The following ATE1 variants were observed in gnomAD, a reference collection of about 807,000 sequenced individuals.
The protein encoded by ATE1 is arginyl-tRNA--protein transferase 1.
In ATE1, 36 loss-of-function variants were observed where a neutral mutation model predicts 70.5. The ratio of observed to expected loss-of-function variants is 0.51; its 90% confidence interval spans 0.39 to 0.67. The LOEUF (loss-of-function observed/expected upper bound fraction) is 0.67. Among genes scored for constraint, ATE1 ranks in the 30% least tolerant of loss-of-function variants. The pLI is 0.00. For missense variants in ATE1, 593 were observed against 629.5 expected, an observed-to-expected ratio of 0.94 and a Z score of 0.62; for synonymous variants, 232 against 219.3, an observed-to-expected ratio of 1.06 and a Z score of -0.51.
intron 8 of ATE1, among the ~76,000 whole-genome samples, chr10:121,850,507 A>T (rs1025837074): frequency 5.3e-5 from 8 of 152,204 alleles, no homozygotes; most frequent in African/African-American, 1.9e-4. Context: ...TATTTCCTTA[A>T]ACCTTAGTCA....
chr10:121,849,996 A>C (rs1564893759), intron 8 of ATE1, among the ~76,000 whole-genome samples: 1 of 152,206 alleles, frequency 6.6e-6, no homozygotes, highest in Non-Finnish European at 1.5e-5. Context: ...ATCAATACAA[A>C]GATTTATCTA....
chr10:121,818,679 G>T (rs1947661147), intron 10 of ATE1, among the ~76,000 whole-genome samples: 1 of 152,222 alleles, frequency 6.6e-6, no homozygotes, highest in African/African-American at 2.4e-5. Context: ...CATCTTGGGA[G>T]GAAGACACTG....
chr10:121,774,100 A>G (rs1390613027), intron 11 of ATE1, among the ~76,000 whole-genome samples: 2 of 152,316 alleles, frequency 1.3e-5, no homozygotes, highest in South Asian at 2.1e-4. Flanking sequence ...AAAAATGACA[A>G]TATAACACAG....
At position 121,741,667 on chromosome 10, in the gene ATE1, C is replaced by A. The variant is rs933054918; in HGVS notation, c.*2013G>T. On this transcript the variant is annotated 3_prime_UTR_variant, in exon 12 of 12. Coordinates refer to ENST00000224652, the MANE Select transcript of ATE1 (RefSeq NM_001001976.3). The stretch of plus-strand genomic sequence containing the variant: ...TTCAAATGCTAAGCGAGCCAAGTAC[C>A]AGCCCTACCCTGCTTATTTTTAATA... The A allele has an allele frequency of 2.0e-5, 3 of 152,180 alleles. No individual in the cohort carries two copies. The highest frequency in any genetic ancestry group is 7.2e-5 in the African/African-American group (3 of 41,444). The allele number at this position is 152,180 out of a possible 1,614,324, so 9.4% of individuals were successfully genotyped here.
intron 7 of ATE1, among the ~76,000 whole-genome samples, chr10:121,873,252 A>T (rs894537811): frequency 1.3e-5 from 2 of 152,134 alleles, no homozygotes; most frequent in South Asian, 2.1e-4. Flanking sequence ...AATTTTTTTT[A>T]AAAAACTGAA....
intron 8 of ATE1, among the ~76,000 whole-genome samples, chr10:121,842,733 A>C (rs1948676535): frequency 1.3e-5 from 2 of 152,208 alleles, no homozygotes; most frequent in African/African-American, 4.8e-5. Context: ...CCACATCAAT[A>C]GGTCAAAAGA....
At chr10:121,880,021 T>G (rs1950178889) in intron 7 of ATE1, among the ~76,000 whole-genome samples, 1 of 152,084 alleles carries the variant, frequency 6.6e-6, no homozygotes, top group Non-Finnish European at 1.5e-5. Flanking sequence ...AAATTAGGGA[T>G]AAATAGAAAA....
chr10:121,825,469 C>G (rs1291311423), intron 10 of ATE1, among the ~76,000 whole-genome samples: 2 of 152,194 alleles, frequency 1.3e-5, no homozygotes, highest in African/African-American at 2.4e-5. Context: ...CAGTTTCTCC[C>G]ATTACCAACC....
chr10:121,902,175 C>A (rs1951007417), intron 6 of ATE1, among the ~76,000 whole-genome samples: 1 of 152,072 alleles, frequency 6.6e-6, no homozygotes, highest in African/African-American at 2.4e-5. Flanking sequence ...ACTATGTATT[C>A]TCAAAAAGTC....
At chr10:121,803,992 T>A (rs1164459023) in intron 10 of ATE1, among the ~76,000 whole-genome samples, 2 of 152,218 alleles carry the variant, frequency 1.3e-5, no homozygotes, top group Non-Finnish European at 2.9e-5. Flanking sequence ...CCTGTCCCCT[T>A]GGATGCCATC....
At position 121,924,363 on chromosome 10, in the gene ATE1, G is replaced by A. The variant is rs77260897; in HGVS notation, c.107-34C>T. The A allele has an allele frequency of 6.2e-4, 987 of 1,591,476 alleles. 8 individuals are homozygous for A. The East Asian group carries it at 0.021, about 34-fold the overall frequency. On this transcript the variant is annotated intron_variant, in intron 1 of 11. Transcript: ENST00000224652. ...ATAAGTAGTGTGTTAATTACGGCAGGGTAACCTTTTTTCTTTTTTAAATTC... is the reference window on the plus strand; with the variant it reads ...ATAAGTAGTGTGTTAATTACGGCAGAGTAACCTTTTTTCTTTTTTAAATTC...
intron 7 of ATE1, among the ~76,000 whole-genome samples, chr10:121,887,529 C>T (rs967149231): frequency 6.8e-5 from 5 of 73,996 alleles, no homozygotes; most frequent in South Asian, 5.8e-4. Context: ...CACAGCAAGA[C>T]GCCCCCCTAC....
chr10:121,878,049 T>C (rs74623704), intron 7 of ATE1, among the ~76,000 whole-genome samples: 2,239 of 152,296 alleles, frequency 0.015, 78 homozygotes, highest in African/African-American at 0.051. Flanking sequence ...CTACATAGCA[T>C]TGAAAGAAAA....
At chr10:121,768,814 TA>T (rs1309255565) in intron 11 of ATE1, among the ~76,000 whole-genome samples, 2 of 152,172 alleles carry the variant, frequency 1.3e-5, no homozygotes, top group Non-Finnish European at 2.9e-5. Context: ...CTGTGATTCC[TA>T]AATAAATGTT....
intron 11 of ATE1, among the ~76,000 whole-genome samples, chr10:121,755,556 A>G (rs1944764495): frequency 6.6e-6 from 1 of 152,250 alleles, no homozygotes; most frequent in Non-Finnish European, 1.5e-5. Context: ...CTGCTGATAA[A>G]GACATACCAA....
intron 7 of ATE1, among the ~76,000 whole-genome samples, chr10:121,879,285 AT>A (rs1950157143): frequency 6.6e-6 from 1 of 152,206 alleles, no homozygotes; most frequent in Non-Finnish European, 1.5e-5. Flanking sequence ...CATGCTCTTT[AT>A]AGAGGTGTCT....
chr10:121,845,294 CA>C (rs1402718512), intron 8 of ATE1, among the ~76,000 whole-genome samples: 3 of 152,116 alleles, frequency 2.0e-5, no homozygotes, highest in Non-Finnish European at 2.9e-5. Context: ...AGATGAAGCA[CA>C]GGGACTTTTA....
chr10:121,753,386 T>C (rs1189826300), intron 11 of ATE1, among the ~76,000 whole-genome samples: 2 of 152,198 alleles, frequency 1.3e-5, no homozygotes, highest in Admixed American at 6.5e-5. Context: ...TCATGATATG[T>C]TGATTAAAAA....
At chr10:121,755,600 T>C (rs1397751697) in intron 11 of ATE1, among the ~76,000 whole-genome samples, 3 of 152,228 alleles carry the variant, frequency 2.0e-5, no homozygotes, top group African/African-American at 4.8e-5. Context: ...AGAGGCTTAA[T>C]TGGGCTCACA....
Sources: allele counts gnomAD v4.1 joint callset (sites outside exome capture counted in the v4.1 genomes callset), GRCh38; gene constraint gnomAD v4.1.1; transcripts MANE v1.5; gene names NCBI Gene and HGNC (gene_info 2026-07-23, HGNC 2026-07-21).